TSPAN13: variants seen among roughly 807,000 people sequenced by gnomAD.
TSPAN13 encodes tetraspanin 13.
TSPAN13 carries 18 observed loss-of-function variants against 26.9 expected under a neutral mutation model. That is an observed-to-expected ratio of 0.67 (90% CI 0.46 to 0.99). The LOEUF (loss-of-function observed/expected upper bound fraction) is 0.99, where lower values mean the gene tolerates loss of function less well. TSPAN13 is among the 50% of genes least tolerant of loss of function. TSPAN13 has a pLI of 0.00. For missense variants in TSPAN13, 201 were observed against 249.6 expected, an observed-to-expected ratio of 0.81 and a Z score of 1.31; for synonymous variants, 116 against 98.4, an observed-to-expected ratio of 1.18 and a Z score of -1.06.
chr7:16,769,490 G>A (rs1285164253), intron 1 of TSPAN13, among the ~76,000 whole-genome samples: 2 of 152,064 alleles, frequency 1.3e-5, no homozygotes, highest in Non-Finnish European at 2.9e-5. Flanking sequence ...TCTTCATGAA[G>A]ATCTTGGACT....
At chr7:16,780,377 G>C (rs1424422366) in intron 5 of TSPAN13, among the ~76,000 whole-genome samples, 1 of 152,188 alleles carries the variant, frequency 6.6e-6, no homozygotes, top group African/African-American at 2.4e-5. Context: ...TGGGGTTACA[G>C]GTGTGAGTCA....
chr7:16,782,811 A>C (rs970097670), intron 5 of TSPAN13, among the ~76,000 whole-genome samples: 1 of 152,210 alleles, frequency 6.6e-6, no homozygotes, highest in Non-Finnish European at 1.5e-5. Context: ...TTAGTTTTCC[A>C]TATTTCTGCT....
chr7:16,755,087 T>A (rs1173203150), intron 1 of TSPAN13, among the ~76,000 whole-genome samples: 4 of 151,952 alleles, frequency 2.6e-5, no homozygotes, highest in Non-Finnish European at 2.9e-5. Flanking sequence ...TCTGTCATCA[T>A]CCCTCCATAG....
At chr7:16,760,077 C>T (rs1235696536) in intron 1 of TSPAN13, among the ~76,000 whole-genome samples, 2 of 152,046 alleles carry the variant, frequency 1.3e-5, no homozygotes, top group African/African-American at 4.8e-5. Flanking sequence ...GAAATGAGGT[C>T]AGAGAAGTCA....
At chr7:16,780,668 T>C (rs537306669) in intron 5 of TSPAN13, among the ~76,000 whole-genome samples, 30 of 152,338 alleles carry the variant, frequency 2.0e-4, no homozygotes, top group Middle Eastern at 3.4e-3. Context: ...TCAGCAGTTA[T>C]CAGAATTTTG....
intron 1 of TSPAN13, among the ~76,000 whole-genome samples, chr7:16,773,455 A>G (rs1784705627): frequency 6.6e-6 from 1 of 152,050 alleles, no homozygotes; most frequent in Non-Finnish European, 1.5e-5. Context: ...TTGTTTACAT[A>G]TTGTCTGTCA....
rs533607135 is a variant in TSPAN13, at chr7:16,784,072, T to C, written c.*581T>C. 1 of 152,794 alleles carries C rather than the reference T, an allele frequency of 6.5e-6. No individual in the cohort carries two copies. The highest frequency in any genetic ancestry group is 2.1e-4 in the South Asian group (1 of 4,826). 9.5% of individuals were successfully genotyped at this position (152,794 alleles called of 1,614,324 possible). A position where few individuals can be genotyped will look rare whatever the true frequency, so the allele number is the denominator to read the frequency against. ...ATGTATTCTAGAAATAGTTATGTCT[T>C]AGGAAATTGTGGTTTAATTTTTGAC... On this transcript the variant is annotated 3_prime_UTR_variant, in exon 6 of 6. Coordinates refer to ENST00000262067, the MANE Select transcript of TSPAN13 (RefSeq NM_014399.4).
intron 1 of TSPAN13, among the ~76,000 whole-genome samples, chr7:16,772,834 A>G (rs1394551956): frequency 1.3e-5 from 2 of 152,008 alleles, no homozygotes; most frequent in African/African-American, 2.4e-5. Flanking sequence ...CGTCTCTACT[A>G]AAAATACAAA....
At chr7:16,777,366 T>C (rs1446706418) in intron 3 of TSPAN13, among the ~76,000 whole-genome samples, 1 of 152,212 alleles carries the variant, frequency 6.6e-6, no homozygotes, top group Non-Finnish European at 1.5e-5. Flanking sequence ...AAAAGTGCTA[T>C]GGCTAAAAGA....
At chr7:16,770,275 G>A (rs757527602) in intron 1 of TSPAN13, among the ~76,000 whole-genome samples, 5 of 151,288 alleles carry the variant, frequency 3.3e-5, no homozygotes, top group South Asian at 4.2e-4. Flanking sequence ...GCACAATCTC[G>A]GCTCACTGCA....
intron 1 of TSPAN13, among the ~76,000 whole-genome samples, chr7:16,766,570 A>G (rs2115327383): frequency 6.6e-6 from 1 of 152,320 alleles, no homozygotes; most frequent in South Asian, 2.1e-4. Context: ...CTTCAGTTGT[A>G]TACCACCTTC....
intron 3 of TSPAN13, 85 bp from the exon 4 acceptor site, chr7:16,777,713 A>C (rs917805956): frequency 1.2e-6 from 1 of 844,728 alleles, no homozygotes; most frequent in Non-Finnish European, 1.8e-6. Flanking sequence ...TATTTTAGGT[A>C]CACTTAGTAC....
At chr7:16,768,872 A>G (rs184646400) in intron 1 of TSPAN13, among the ~76,000 whole-genome samples, 3 of 152,102 alleles carry the variant, frequency 2.0e-5, no homozygotes, top group African/African-American at 7.2e-5. Flanking sequence ...GGTATTTGTC[A>G]TATCTCTTAT....
chr7:16,782,129 T>C (rs1784819799), intron 5 of TSPAN13, among the ~76,000 whole-genome samples: 1 of 152,202 alleles, frequency 6.6e-6, no homozygotes, highest in Admixed American at 6.5e-5. Context: ...GAATGGTACC[T>C]TTCATAAAGA....
intron 5 of TSPAN13, among the ~76,000 whole-genome samples, chr7:16,782,373 G>A (rs750572063): frequency 1.2e-4 from 18 of 152,060 alleles, no homozygotes; most frequent in Non-Finnish European, 2.6e-4. Context: ...AGTTTAAAAG[G>A]GCTAATGGTG....
intron 1 of TSPAN13, among the ~76,000 whole-genome samples, chr7:16,761,851 C>T (rs904414480): frequency 1.3e-5 from 2 of 151,958 alleles, no homozygotes; most frequent in African/African-American, 4.8e-5. Flanking sequence ...ATTTTCTTTA[C>T]ATGTCTGTGG....
chr7:16,777,912 G>GT lies in TSPAN13; in HGVS notation c.426+2dup. 1 of 1,605,890 alleles carries GT rather than the reference G, an allele frequency of 6.2e-7. No individual in the cohort carries two copies. Among genetic ancestry groups the GT allele is most frequent in the South Asian group, 1.1e-5 (1 of 90,534 alleles). ...TAACCCAAATGACACCTGTCTGGCT[G>GT]TAAGTACATTGTATAATATATGTTT... On this transcript the variant is annotated splice_donor_variant, in intron 4 of 5. Coordinates refer to ENST00000262067, the MANE Select transcript of TSPAN13 (RefSeq NM_014399.4). LOFTEE classifies it high-confidence loss of function.
At chr7:16,759,965 G>C (rs542110156) in intron 1 of TSPAN13, among the ~76,000 whole-genome samples, 6 of 152,160 alleles carry the variant, frequency 3.9e-5, no homozygotes, top group Non-Finnish European at 8.8e-5. Flanking sequence ...TGGATTACAG[G>C]TGTGAGCAAC....
chr7:16,773,599 T>C (rs1784707385), intron 1 of TSPAN13, among the ~76,000 whole-genome samples: 1 of 152,240 alleles, frequency 6.6e-6, no homozygotes, highest in African/African-American at 2.4e-5. Context: ...GTCTTGTCTC[T>C]GGCTTTTAGC....
Sources: gnomAD v4.1 joint callset for allele counts (sites outside exome capture counted in the v4.1 genomes callset) on GRCh38, gnomAD v4.1.1 for gene constraint, MANE v1.5 for transcripts, NCBI Gene and HGNC (gene_info 2026-07-23, HGNC 2026-07-21) for gene names.